MYRIP: variants seen among roughly 807,000 people sequenced by gnomAD.
MYRIP encodes the protein rab effector MyRIP.
MYRIP carries 49 observed loss-of-function variants against 98.0 expected under a neutral mutation model. The observed-to-expected ratio is 0.50, with a 90% CI of 0.40 to 0.63. MYRIP has a LOEUF of 0.63. Among genes scored for constraint, MYRIP ranks in the 30% least tolerant of loss-of-function variants. The pLI, the probability that MYRIP is intolerant of heterozygous loss-of-function variation, is 0.00. For missense variants in MYRIP, 1,004 were observed against 1,058.2 expected, an observed-to-expected ratio of 0.95 and a Z score of 0.71; for synonymous variants, 404 against 409.5, an observed-to-expected ratio of 0.99 and a Z score of 0.16.
chr3:40,200,880 C>T (rs1390883893), intron 10 of MYRIP, among the ~76,000 whole-genome samples: 1 of 152,198 alleles, frequency 6.6e-6, no homozygotes, highest in African/African-American at 2.4e-5. Context: ...TCTGAATCAC[C>T]ACCAAAATCC....
intron 2 of MYRIP, among the ~76,000 whole-genome samples, chr3:40,011,589 A>T (rs1212155955): frequency 6.6e-6 from 1 of 152,178 alleles, no homozygotes; most frequent in East Asian, 1.9e-4. Context: ...ATTGATCTAG[A>T]CACCTGCCTT....
intron 2 of MYRIP, among the ~76,000 whole-genome samples, chr3:40,030,115 G>T (rs537578060): frequency 5.3e-4 from 80 of 151,518 alleles, no homozygotes; most frequent in African/African-American, 1.9e-3. Context: ...GAGAGGGAGA[G>T]GGGAGGGGAG....
intron 7 of MYRIP, among the ~76,000 whole-genome samples, chr3:40,169,716 A>G (rs935271741): frequency 2.0e-5 from 3 of 152,248 alleles, no homozygotes; most frequent in Non-Finnish European, 4.4e-5. Flanking sequence ...CACTTAATAA[A>G]TAGAGAAGCT....
chr3:40,043,488 C>T (rs1947592738), intron 2 of MYRIP, among the ~76,000 whole-genome samples: 1 of 152,050 alleles, frequency 6.6e-6, no homozygotes, highest in African/African-American at 2.4e-5. Context: ...TTTAAAAGAA[C>T]AGAATTGTTC....
intron 11 of MYRIP, among the ~76,000 whole-genome samples, chr3:40,222,485 T>G (rs543332277): frequency 6.6e-6 from 1 of 152,208 alleles, no homozygotes; most frequent in African/African-American, 2.4e-5. Flanking sequence ...ACCTCACAAT[T>G]AAGTGGGTAA....
intron 13 of MYRIP, among the ~76,000 whole-genome samples, chr3:40,246,212 A>C (rs1033559967): frequency 6.6e-6 from 1 of 152,126 alleles, no homozygotes; most frequent in African/African-American, 2.4e-5. Flanking sequence ...CACCCAGAAA[A>C]AAAGAGACAG....
intron 2 of MYRIP, among the ~76,000 whole-genome samples, chr3:39,984,193 G>GTTTATTTTATTTTATTTTATTTTAT (rs71288070): frequency 7.0e-4 from 102 of 145,658 alleles, no homozygotes; most frequent in African/African-American, 2.2e-3. Flanking sequence ...TGTAAGGAAA[G>GTTTATTTTATTTTATTTTATTTTAT]TTTATTTTAT....
intron 9 of MYRIP, 130 bp from the exon 10 acceptor site, chr3:40,189,695 TG>T: frequency 1.0e-6 from 1 of 984,126 alleles, no homozygotes; most frequent in Non-Finnish European, 1.5e-6. Context: ...TTTGCCTTCC[TG>T]GGCTTCCTAA....
intron 12 of MYRIP, among the ~76,000 whole-genome samples, chr3:40,237,912 G>C (rs372246611): frequency 3.7e-4 from 57 of 152,238 alleles, no homozygotes; most frequent in South Asian, 2.1e-4. Flanking sequence ...CCTCCAAGGA[G>C]CATGTTGAAA....
At chr3:39,998,424 C>T (rs549925984) in intron 2 of MYRIP, among the ~76,000 whole-genome samples, 10 of 152,274 alleles carry the variant, frequency 6.6e-5, no homozygotes, top group African/African-American at 1.7e-4. Context: ...AACTCTCATT[C>T]GCAATTGCTT....
Position 40,093,882 on chromosome 3 carries a change from T to C in MYRIP, c.332+49611T>C, listed in dbSNP as rs963183606. Reference sequence around the variant, plus strand: ...AAGATAAAGACAGAACTCCATAACATCCAATGAAGGCCTGCAGGGTTGGCC... The same window carrying C: ...AAGATAAAGACAGAACTCCATAACACCCAATGAAGGCCTGCAGGGTTGGCC... On this transcript the variant is annotated intron_variant, in intron 3 of 16. Coordinates refer to ENST00000302541, the MANE Select transcript of MYRIP (RefSeq NM_015460.4). Among the ~76,000 whole-genome samples, 33 of 152,196 alleles carry C rather than the reference T, an allele frequency of 2.2e-4. 1 individual carries two copies. The highest frequency in any genetic ancestry group is 8.8e-5 in the Non-Finnish European group (6 of 68,036).
Position 40,043,949 on chromosome 3 carries a change from T to C in MYRIP, c.111-101T>C, listed in dbSNP as rs904779556. The C allele has an allele frequency of 1.5e-5, 16 of 1,046,420 alleles. No individual in the cohort carries two copies. In the African/African-American group the frequency reaches 2.1e-4, roughly 13 times the overall value. 64.8% of individuals were successfully genotyped at this position (1,046,420 alleles called of 1,614,324 possible). A position where few individuals can be genotyped will look rare whatever the true frequency, so the allele number is the denominator to read the frequency against. On this transcript the variant is annotated intron_variant, in intron 2 of 16. Transcript: ENST00000302541. Reference sequence around the variant, plus strand: ...CTCCAGGAAGGTCCTACATGGTAGCTTGGCCTAAGGGAGGGACAGGGTGCA... The same window carrying C: ...CTCCAGGAAGGTCCTACATGGTAGCCTGGCCTAAGGGAGGGACAGGGTGCA...
At chr3:40,254,329 G>A (rs1230717822) in intron 16 of MYRIP, among the ~76,000 whole-genome samples, 1 of 152,090 alleles carries the variant, frequency 6.6e-6, no homozygotes, top group Non-Finnish European at 1.5e-5. Flanking sequence ...AGTCATTCAT[G>A]CCTTTGTCTG....
intron 8 of MYRIP, chr3:40,173,233 A>G (rs1307690290): frequency 6.6e-6 from 1 of 152,208 alleles, no homozygotes; most frequent in African/African-American, 2.4e-5. Context: ...TCCCCATTTT[A>G]CAAAGGAATA....
rs1317250226 is a variant in MYRIP at position 40,250,289 on chromosome 3, G to A, written c.2330G>A (p.Arg777His). ...GGATTAAACATAGCACCATGTGTGCGCTTCACAAGAAGACGGGATCAGAAG... is the reference window on the plus strand; with the variant it reads ...GGATTAAACATAGCACCATGTGTGCACTTCACAAGAAGACGGGATCAGAAG... ...IAGLNIAPCV[R>H]FTRRRDQKQR... The change falls in exon 14 of 17, where the codon CGC (arginine) becomes CAC (histidine). Residue 777 changes from arginine to histidine, a missense_variant. Physicochemically the swap from Arg to His is conservative, Grantham distance 29 (BLOSUM62 0). Transcript: ENST00000302541. The A allele has an allele frequency of 9.3e-6, 15 of 1,613,964 alleles. No homozygotes were observed. Among genetic ancestry groups the A allele is most frequent in the Middle Eastern group, 1.6e-4 (1 of 6,084 alleles).
At chr3:40,047,479 A>G (rs1489315318) in intron 3 of MYRIP, among the ~76,000 whole-genome samples, 2 of 152,218 alleles carry the variant, frequency 1.3e-5, no homozygotes, top group African/African-American at 4.8e-5. Context: ...TCCACATTCA[A>G]TGTGTCTAGC....
At chr3:39,900,281 TG>T (rs1363531667) in intron 1 of MYRIP, among the ~76,000 whole-genome samples, 1 of 152,118 alleles carries the variant, frequency 6.6e-6, no homozygotes, top group Admixed American at 6.5e-5. Flanking sequence ...ATTTTTAGTT[TG>T]TATTTCATAG....
chr3:39,983,468 C>G (rs765385378), intron 2 of MYRIP, among the ~76,000 whole-genome samples: 1 of 152,260 alleles, frequency 6.6e-6, no homozygotes, highest in Middle Eastern at 3.4e-3. Context: ...TTTTTATGCT[C>G]GACAATTTTG....
chr3:40,232,221 T>C (rs1338215331), intron 11 of MYRIP, among the ~76,000 whole-genome samples: 2 of 152,202 alleles, frequency 1.3e-5, no homozygotes, highest in East Asian at 1.9e-4. Context: ...CAAGCAGCTA[T>C]TGTGGAACAG....
Sources: gnomAD v4.1 joint callset for allele counts (sites outside exome capture counted in the v4.1 genomes callset) on GRCh38, gnomAD v4.1.1 for gene constraint, MANE v1.5 for transcripts, NCBI Gene and HGNC (gene_info 2026-07-23, HGNC 2026-07-21) for gene names.